Variants in SLIT2 observed in about 807,000 individuals in gnomAD.
The protein encoded by SLIT2 is slit guidance ligand 2, also known as slit homolog 2 protein.
A neutral mutation model predicts 185.7 loss-of-function variants in SLIT2; 41 were observed. The observed-to-expected ratio is 0.22, with a 90% CI of 0.17 to 0.29. The LOEUF (loss-of-function observed/expected upper bound fraction) is 0.29, where lower values mean the gene tolerates loss of function less well. Among genes scored for constraint, SLIT2 ranks in the 10% least tolerant of loss-of-function variants. The pLI is 1.00. For missense variants in SLIT2, 1,571 were observed against 1,909.0 expected (o/e 0.82, Z 3.30); for synonymous variants, 693 against 680.2 (o/e 1.02, Z -0.29).
At position 20,304,167 on chromosome 4, in the gene SLIT2, T is replaced by G. The variant is rs184913719; in HGVS notation, c.395+35286T>G. On this transcript the variant is annotated intron_variant, in intron 4 of 36. Coordinates refer to ENST00000504154, the MANE Select transcript of SLIT2 (RefSeq NM_004787.4). ...TTGTGTCACAAAAAGTTCCTACCAGTGTATATTATTGTAAACTACTCAATA... is the reference window on the plus strand; with the variant it reads ...TTGTGTCACAAAAAGTTCCTACCAGGGTATATTATTGTAAACTACTCAATA... Among the ~76,000 whole-genome samples, 5 of 152,282 alleles carry G rather than the reference T, an allele frequency of 3.3e-5. No homozygotes were observed. The East Asian group carries it at 7.7e-4, about 24-fold the overall frequency.
At chr4:20,354,078 T>C (rs1292020173) in intron 4 of SLIT2, among the ~76,000 whole-genome samples, 2 of 152,206 alleles carry the variant, frequency 1.3e-5, no homozygotes, top group Non-Finnish European at 2.9e-5. Flanking sequence ...TAAGTATCCT[T>C]TCACAGTTTG....
intron 24 of SLIT2, among the ~76,000 whole-genome samples, chr4:20,549,706 T>C (rs908275650): frequency 6.6e-6 from 1 of 151,764 alleles, no homozygotes; most frequent in Non-Finnish European, 1.5e-5. Flanking sequence ...TTGTTTAACA[T>C]ATGCTTTTGA....
intron 25 of SLIT2, among the ~76,000 whole-genome samples, chr4:20,551,660 A>C (rs1050019705): frequency 6.6e-6 from 1 of 152,120 alleles, no homozygotes; most frequent in Non-Finnish European, 1.5e-5. Context: ...GGTGGCAACT[A>C]TCTATTTAAC....
At chr4:20,309,961 C>G (rs1393274933) in intron 4 of SLIT2, among the ~76,000 whole-genome samples, 1 of 151,920 alleles carries the variant, frequency 6.6e-6, no homozygotes, top group Non-Finnish European at 1.5e-5. Flanking sequence ...CGGGGCTTCA[C>G]CATGTTAGCC....
intron 26 of SLIT2, among the ~76,000 whole-genome samples, chr4:20,562,191 T>C (rs1724749540): frequency 6.6e-6 from 1 of 151,882 alleles, no homozygotes; most frequent in Non-Finnish European, 1.5e-5. Context: ...TCTTCTATCT[T>C]GCCAATTTAG....
chr4:20,437,134 C>T (rs1473833959), intron 4 of SLIT2, among the ~76,000 whole-genome samples: 1 of 152,136 alleles, frequency 6.6e-6, no homozygotes, highest in African/African-American at 2.4e-5. Context: ...TATCTTTAGT[C>T]AGGACCTGCT....
At chr4:20,598,599 A>G (rs773139336) in intron 33 of SLIT2, among the ~76,000 whole-genome samples, 15 of 152,120 alleles carry the variant, frequency 9.9e-5, no homozygotes, top group Non-Finnish European at 2.1e-4. Flanking sequence ...GGGGACTGCT[A>G]TGCACAAAGA....
chr4:20,590,774 A>C (rs1377526863), intron 30 of SLIT2, among the ~76,000 whole-genome samples: 1 of 152,218 alleles, frequency 6.6e-6, no homozygotes, highest in Non-Finnish European at 1.5e-5. Flanking sequence ...AGCTGGCAGT[A>C]GTTTAGAGAT....
chr4:20,268,786 G>A (rs1713300838), intron 3 of SLIT2, 24 bp from the exon 4 acceptor site: 2 of 1,531,608 alleles, frequency 1.3e-6, no homozygotes, highest in African/African-American at 1.4e-5. Context: ...TGTAACATAA[G>A]CTTTGTTTTT....
rs187196691 is a variant in SLIT2 at position 20,566,899 on chromosome 4, T to G, written c.2726-363T>G. ...ACGTAGTCTTCTCTGGGACTGACAATAGGCATGTCCATGAAGCAGGAGGAG... is the reference window on the plus strand; with the variant it reads ...ACGTAGTCTTCTCTGGGACTGACAAGAGGCATGTCCATGAAGCAGGAGGAG... On this transcript the variant is annotated intron_variant, in intron 26 of 36. Coordinates refer to ENST00000504154, the MANE Select transcript of SLIT2 (RefSeq NM_004787.4). Among the ~76,000 whole-genome samples, 26 of 152,048 alleles carry G rather than the reference T, an allele frequency of 1.7e-4. No individual in the cohort carries two copies. The East Asian group carries it at 4.8e-3, about 28-fold the overall frequency.
intron 4 of SLIT2, among the ~76,000 whole-genome samples, chr4:20,306,260 T>C (rs1023439668): frequency 2.7e-4 from 41 of 152,234 alleles, no homozygotes; most frequent in African/African-American, 9.1e-4. Flanking sequence ...AATGTTTTAG[T>C]TTTATTTTTA....
intron 4 of SLIT2, among the ~76,000 whole-genome samples, chr4:20,367,193 C>T (rs1723185516): frequency 6.6e-6 from 1 of 152,120 alleles, no homozygotes; most frequent in Non-Finnish European, 1.5e-5. Context: ...TCAAAAAATG[C>T]ATCTGCCATT....
chr4:20,597,183 A>T (rs1003585386), intron 32 of SLIT2, among the ~76,000 whole-genome samples: 2 of 151,340 alleles, frequency 1.3e-5, no homozygotes, highest in African/African-American at 4.9e-5. Context: ...CTCCTGCCTC[A>T]GCCTCCCGAG....
chr4:20,476,999 A>T (rs560765261), intron 5 of SLIT2, among the ~76,000 whole-genome samples: 1 of 152,130 alleles, frequency 6.6e-6, no homozygotes, highest in African/African-American at 2.4e-5. Context: ...GATGAGCTTC[A>T]GAACTTTTTG....
At position 20,619,060 on chromosome 4, in the gene SLIT2, G is replaced by A. The variant is rs1379659; in HGVS notation, c.*51G>A. 0.82 allele frequency: 1,282,249 copies of A among 1,563,458 alleles called. 527,498 individuals are homozygous for A. Among genetic ancestry groups the A allele is most frequent in the African/African-American group, 0.97 (71,775 of 74,234 alleles). ...GGAAAAGGTTGTATACTTCTTGACCGTGTGGGACTAATGAATGCTTCATAG... is the reference window on the plus strand; with the variant it reads ...GGAAAAGGTTGTATACTTCTTGACCATGTGGGACTAATGAATGCTTCATAG... On this transcript the variant is annotated 3_prime_UTR_variant, in exon 37 of 37. Transcript: ENST00000504154.
chr4:20,316,534 T>C (rs1258075063), intron 4 of SLIT2, among the ~76,000 whole-genome samples: 1 of 151,894 alleles, frequency 6.6e-6, no homozygotes, highest in Non-Finnish European at 1.5e-5. Flanking sequence ...CATAAAGTCA[T>C]CTACTAAAAA....
chr4:20,567,440 T>A, intron 27 of SLIT2, 54 bp downstream of exon 27: 1 of 1,611,760 alleles, frequency 6.2e-7, no homozygotes, highest in Non-Finnish European at 8.5e-7. Flanking sequence ...TTTCTTGGTG[T>A]GCCTTTATTA....
intron 4 of SLIT2, among the ~76,000 whole-genome samples, chr4:20,388,895 TATATAATATATAC>T (rs1412096439): frequency 6.8e-6 from 1 of 146,066 alleles, no homozygotes; most frequent in Non-Finnish European, 1.5e-5. Flanking sequence ...AAACATAATA[TATATAATATATAC>T]ATATAATATA....
rs1487975933 is a variant in SLIT2 at position 20,472,284 on chromosome 4, A to ATCTATATATC, written c.467+4462_467+4463insCTATATATCT. 4.0e-3 allele frequency among the ~76,000 whole-genome samples: 71 copies of ATCTATATATC among 17,680 alleles called. 2 individuals carry two copies. Among genetic ancestry groups the ATCTATATATC allele is most frequent in the African/African-American group, 0.02 (68 of 3,382 alleles). 11.6% of individuals were successfully genotyped at this position (17,680 alleles called of 152,430 possible). A position where few individuals can be genotyped will look rare whatever the true frequency, so the allele number is the denominator to read the frequency against. ...TATATATAGATATATATCTATATAT[A>ATCTATATATC]TAGATATATAGATATATAGATCTAT... On this transcript the variant is annotated intron_variant, in intron 5 of 36. Coordinates refer to ENST00000504154, the MANE Select transcript of SLIT2 (RefSeq NM_004787.4).
Sources: gnomAD v4.1 joint callset for allele counts (sites outside exome capture counted in the v4.1 genomes callset) on GRCh38, gnomAD v4.1.1 for gene constraint, MANE v1.5 for transcripts, NCBI Gene and HGNC (gene_info 2026-07-23, HGNC 2026-07-21) for gene names.